Variants in CIP2A observed in about 807,000 individuals in gnomAD.
The protein encoded by CIP2A is protein CIP2A.
Under a neutral mutation model 110.9 loss-of-function variants are expected in CIP2A, and 103 were observed. The ratio of observed to expected loss-of-function variants is 0.93; its 90% confidence interval spans 0.79 to 1.09. The LOEUF (loss-of-function observed/expected upper bound fraction) is 1.09, where lower values mean the gene tolerates loss of function less well. CIP2A is among the 50% of genes least tolerant of loss of function. CIP2A has a pLI of 0.00. For synonymous variants in CIP2A, 381 were observed against 361.6 expected, an observed-to-expected ratio of 1.05 and a Z score of -0.61; for missense variants, 1,088 against 1,038.4, an observed-to-expected ratio of 1.05 and a Z score of -0.66.
intron 11 of CIP2A, among the ~76,000 whole-genome samples, chr3:108,565,932 C>A (rs1440451440): frequency 6.6e-6 from 1 of 151,728 alleles, no homozygotes; most frequent in Admixed American, 6.6e-5. Context: ...ATTGTGACAT[C>A]TGTGGAAACA....
Position 108,553,709 on chromosome 3 carries a change from C to A in CIP2A, c.2346G>T (p.Glu782Asp). The change falls in exon 19 of 21, where the codon GAG becomes GAT. Residue 782 changes from glutamate (E) to aspartate (D), a missense_variant. Coordinates refer to ENST00000295746, the MANE Select transcript of CIP2A (RefSeq NM_020890.3). ...QNEKSIAQLI[E>D]KEEQRKEVQN... ...GTACTTCTTTTCTCTGTTCTTCTTT[C>A]TCTATTAATTGGGCAATACTTCTGA... 5 of 1,485,304 alleles carry A rather than the reference C, an allele frequency of 3.4e-6. No homozygotes were observed. Among genetic ancestry groups the A allele is most frequent in the South Asian group, 2.3e-5 (2 of 88,236 alleles). The allele number at this position is 1,485,304 out of a possible 1,614,324, so 92.0% of individuals were successfully genotyped here.
chr3:108,554,509 A>G lies in CIP2A; in HGVS notation c.2211-20T>C. 9.7e-7 allele frequency: 1 copy of G among 1,033,820 alleles called. No homozygotes were observed. Among genetic ancestry groups the G allele is most frequent in the Non-Finnish European group, 1.5e-6 (1 of 682,412 alleles). 64.0% of individuals were successfully genotyped at this position (1,033,820 alleles called of 1,614,324 possible). A position where few individuals can be genotyped will look rare whatever the true frequency, so the allele number is the denominator to read the frequency against. The stretch of plus-strand genomic sequence containing the variant: ...TCATTTCTGAAAAGACAAGAAAATG[A>G]GTTGGCATCATTATGGAGGAAAACA... On this transcript the variant is annotated intron_variant, in intron 17 of 20. Coordinates refer to ENST00000295746, the MANE Select transcript of CIP2A (RefSeq NM_020890.3).
In CIP2A at chr3:108,552,235, T is replaced by C. The variant is rs148074605; in HGVS notation, c.2546A>G (p.Lys849Arg). ...TEQIRKELSI[K>R]ASSLEVQKAQ... ...ATGAGAAATGGAACAGATTCTTACC[T>C]TAATGCTCAACTCTTTTCTTATCTG... Residue 849 changes from lysine to arginine, a missense_variant and splice_region_variant, in exon 20 of 21, where the codon AAG becomes AGG. Transcript: ENST00000295746. 14 of 1,556,810 alleles carry C rather than the reference T, an allele frequency of 9.0e-6. No individual in the cohort carries two copies. Among genetic ancestry groups the C allele is most frequent in the Non-Finnish European group, 1.1e-5 (13 of 1,157,886 alleles).
chr3:108,559,494 G>T (rs573726033), intron 16 of CIP2A, among the ~76,000 whole-genome samples: 5 of 151,950 alleles, frequency 3.3e-5, no homozygotes, highest in Admixed American at 1.3e-4. Flanking sequence ...AAAGGAAAAA[G>T]GTTTAGAATA....
intron 10 of CIP2A, among the ~76,000 whole-genome samples, chr3:108,567,236 C>T (rs917638615): frequency 6.6e-6 from 1 of 151,062 alleles, no homozygotes; most frequent in Non-Finnish European, 1.5e-5. Flanking sequence ...AAGGTTCTGG[C>T]ATCGATTTTC....
chr3:108,579,656 G>A lies in CIP2A; in HGVS notation c.582C>T (p.Ile194=), dbSNP rs1447539004. ...SNVKSFYRTL[I]TLLAHSSLTV... ...TTAAACTACTATGGGCCAACAAGGT[G>A]ATAAGAGTTCGATAAAAAGATTTCA... Residue 194 remains isoleucine, a synonymous_variant, in exon 6 of 21, where the codon ATC becomes ATT. Transcript: ENST00000295746. 6 of 1,587,070 alleles carry A rather than the reference G, an allele frequency of 3.8e-6. No individual in the cohort carries two copies. Among genetic ancestry groups the A allele is most frequent in the Non-Finnish European group, 5.1e-6 (6 of 1,169,166 alleles).
At chr3:108,563,420 C>T (rs751131985) in intron 12 of CIP2A, among the ~76,000 whole-genome samples, 176 bp from the exon 13 acceptor site, 24 of 151,932 alleles carry the variant, frequency 1.6e-4, no homozygotes, top group Non-Finnish European at 2.9e-4. Flanking sequence ...CTTGTTATAG[C>T]TGTTTACACT....
chr3:108,574,718 GTC>G (rs922991087), intron 8 of CIP2A: 1 of 152,482 alleles, frequency 6.6e-6, no homozygotes, highest in African/African-American at 2.4e-5. Context: ...GTACATTCAT[GTC>G]TCTGACCTCC....
Position 108,566,477 on chromosome 3 carries a change from A to T in CIP2A, c.1415+20T>A, listed in dbSNP as rs759889042. The T allele has an allele frequency of 4.4e-6, 7 of 1,577,814 alleles. No homozygotes were observed. The highest frequency in any genetic ancestry group is 1.2e-5 in the South Asian group (1 of 83,666). ...TTTTTTACTGCCTTGCCATTTTGTC[A>T]TTAGAGTTTATATACTCACCATAAT... is the stretch of plus-strand genomic sequence containing the variant. On this transcript the variant is annotated intron_variant, in intron 11 of 20. Coordinates refer to ENST00000295746, the MANE Select transcript of CIP2A (RefSeq NM_020890.3).
chr3:108,552,299 T>C lies in CIP2A; in HGVS notation c.2482A>G (p.Thr828Ala), dbSNP rs777271322. The C allele has an allele frequency of 7.0e-6, 11 of 1,569,016 alleles. No homozygotes were observed. The East Asian group carries it at 2.5e-4, about 36-fold the overall frequency. The stretch of plus-strand genomic sequence containing the variant: ...AATTCTTTTCTAAGGATATCAATGG[T>C]TTCTTCCTTATCTTCCCTTTCCTTT... ...LQKEREDKEE[T>A]IDILRKELSR... Residue 828 changes from threonine (T) to alanine (A), a missense_variant, in exon 20 of 21, where the codon ACC becomes GCC. By Grantham distance (58) the Thr-to-Ala change is moderately conservative. Coordinates refer to ENST00000295746, the MANE Select transcript of CIP2A (RefSeq NM_020890.3).
intron 1 of CIP2A, among the ~76,000 whole-genome samples, chr3:108,588,593 A>G (rs763418273): frequency 6.6e-6 from 1 of 152,224 alleles, no homozygotes; most frequent in Non-Finnish European, 1.5e-5. Flanking sequence ...GCTTTAAAAA[A>G]ATTAAACTGA....
intron 8 of CIP2A, among the ~76,000 whole-genome samples, chr3:108,570,086 T>C (rs1308295417): frequency 6.6e-6 from 1 of 152,084 alleles, no homozygotes; most frequent in African/African-American, 2.4e-5. Flanking sequence ...ATTATGACCC[T>C]TAGCTCTCCT....
chr3:108,559,590 G>A (rs1333801785), intron 16 of CIP2A, among the ~76,000 whole-genome samples, 167 bp downstream of exon 16: 1 of 152,094 alleles, frequency 6.6e-6, no homozygotes, highest in East Asian at 1.9e-4. Context: ...ATCAGGTAAC[G>A]ATGTAACCAA....
chr3:108,575,291 C>T (rs1279717105), intron 8 of CIP2A, among the ~76,000 whole-genome samples: 1 of 150,802 alleles, frequency 6.6e-6, no homozygotes, highest in Non-Finnish European at 1.5e-5. Flanking sequence ...CGTGTACGTA[C>T]ACACACGTGT....
intron 1 of CIP2A, among the ~76,000 whole-genome samples, chr3:108,588,631 T>C (rs1939174719): frequency 6.6e-6 from 1 of 152,034 alleles, no homozygotes; most frequent in Admixed American, 6.5e-5. Context: ...ATTCCGTAAA[T>C]GCAAAACAAA....
At chr3:108,561,645 G>T (rs754348001) in intron 13 of CIP2A, among the ~76,000 whole-genome samples, 16 of 152,082 alleles carry the variant, frequency 1.1e-4, no homozygotes, top group Non-Finnish European at 1.8e-4. Flanking sequence ...CCCCAGTCTG[G>T]GTGATAGAGT....
Position 108,589,266 on chromosome 3 carries a change from CCT to C in CIP2A, c.102+6_102+7del. 6.2e-7 allele frequency: 1 copy of C among 1,608,270 alleles called. No homozygotes were observed. The highest frequency in any genetic ancestry group is 8.5e-7 in the Non-Finnish European group (1 of 1,174,696). On this transcript the variant is annotated splice_donor_region_variant and intron_variant, in intron 1 of 20. Coordinates refer to ENST00000295746, the MANE Select transcript of CIP2A (RefSeq NM_020890.3). ...GCCCCATCTGTCCTCTACCCCAGAG[CCT>C]CTCACCTCCAAGTGCCGCAAAAGCT...
chr3:108,557,465 C>A, intron 16 of CIP2A, 51 bp from the exon 17 acceptor site: 4 of 1,333,282 alleles, frequency 3.0e-6, no homozygotes, highest in Non-Finnish European at 4.1e-6. Flanking sequence ...ATATCATATG[C>A]TCAACACATA....
intron 1 of CIP2A, among the ~76,000 whole-genome samples, chr3:108,588,030 G>A (rs1490704650): frequency 2.3e-4 from 35 of 152,050 alleles, no homozygotes; most frequent in Non-Finnish European, 1.5e-5. Flanking sequence ...CGCTCGCCTC[G>A]GCCTCCCAAA....
Sources: allele counts gnomAD v4.1 joint callset (sites outside exome capture counted in the v4.1 genomes callset), GRCh38; gene constraint gnomAD v4.1.1; transcripts MANE v1.5; gene names NCBI Gene and HGNC (gene_info 2026-07-23, HGNC 2026-07-21).